Variants in PDE4DIP observed in about 807,000 individuals in gnomAD.
PDE4DIP encodes the protein myomegalin.
In PDE4DIP, 59 loss-of-function variants were observed where a neutral mutation model predicts 221.4. The observed-to-expected ratio is 0.27, with a 90% CI of 0.22 to 0.33. The LOEUF is 0.33. Ranked by LOEUF, PDE4DIP falls within the 10% of genes least tolerant of loss-of-function variation. PDE4DIP has a pLI of 1.00. For synonymous variants in PDE4DIP, 404 were observed against 815.9 expected (o/e 0.50, Z 8.60); for missense variants, 1,036 against 2,154.2 (o/e 0.48, Z 10.28).
intron 5 of PDE4DIP, among the ~76,000 whole-genome samples, chr1:148,954,956 TG>T (rs1553500617): frequency 6.6e-6 from 1 of 152,110 alleles, no homozygotes; most frequent in Non-Finnish European, 1.5e-5. Context: ...GATGGCCACT[TG>T]AAATTTTTGG....
exon 44 of PDE4DIP, chr1:149,032,069 G>A (rs782508958): frequency 1.2e-6 from 2 of 1,609,246 alleles, no homozygotes; most frequent in Non-Finnish European, 1.7e-6. Flanking sequence ...TCCCCCTTTT[G>A]TGCAGCTACC....
intron 9 of PDE4DIP, among the ~76,000 whole-genome samples, chr1:148,964,602 A>C (rs2057788372): frequency 6.9e-6 from 1 of 144,084 alleles, no homozygotes; most frequent in African/African-American, 2.6e-5. Flanking sequence ...TCCTTTTGAA[A>C]TATTAAAATT....
intron 21 of PDE4DIP, chr1:148,990,051 C>T (rs1296694874): frequency 5.3e-6 from 1 of 189,662 alleles, no homozygotes; most frequent in Non-Finnish European, 9.8e-6. Flanking sequence ...GAACAGGACC[C>T]TTCCTTGATC....
At chr1:148,955,928 A>T (rs2055180400) in intron 5 of PDE4DIP, among the ~76,000 whole-genome samples, 1 of 151,800 alleles carries the variant, frequency 6.6e-6, no homozygotes, top group African/African-American at 2.4e-5. Context: ...TTTAATTATT[A>T]TGCCATTTTC....
chr1:149,024,190 A>G, intron 37 of PDE4DIP: 2 of 363,950 alleles, frequency 5.5e-6, no homozygotes, highest in Non-Finnish European at 9.7e-6. Flanking sequence ...ATATGGACTT[A>G]TCTTCATCTG....
intron 41 of PDE4DIP, among the ~76,000 whole-genome samples, chr1:149,029,430 C>T (rs79561400): frequency 3.9e-5 from 6 of 152,316 alleles, no homozygotes; most frequent in East Asian, 1.9e-4. Flanking sequence ...CAGCATAACA[C>T]TTCTGAACTC....
exon 32 of PDE4DIP, chr1:149,012,641 T>C (rs1224260237): frequency 1.2e-6 from 2 of 1,612,500 alleles, no homozygotes; most frequent in Non-Finnish European, 1.7e-6. Flanking sequence ...TCAGGCACCA[T>C]TGCCCTCAGC....
In PDE4DIP at chr1:148,933,717, G is replaced by A. The variant is rs55990332; in HGVS notation, c.518+1429G>A. 4.6e-5 allele frequency among the ~76,000 whole-genome samples: 7 copies of A among 152,192 alleles called. No individual in the cohort carries two copies. In the South Asian group the frequency reaches 8.3e-4, roughly 18 times the overall value. On this transcript the variant is annotated intron_variant, in intron 4 of 43. Coordinates refer to ENST00000369354, the Ensembl canonical transcript of PDE4DIP. The stretch of plus-strand genomic sequence containing the variant: ...AAGACATAAATTTAATCGCACCATG[G>A]CAGAGCCATTTAAGAAGCTTTGCAA...
At chr1:148,830,480 G>A (rs1267553718) in intron 1 of PDE4DIP, among the ~76,000 whole-genome samples, 1 of 92,504 alleles carries the variant, frequency 1.1e-5, no homozygotes, top group African/African-American at 3.8e-5. Context: ...ACAACATGCA[G>A]GTTAGTTACA....
chr1:148,969,998 G>A (rs151304477), intron 14 of PDE4DIP, among the ~76,000 whole-genome samples: 6,897 of 152,230 alleles, frequency 0.045, 390 homozygotes, highest in African/African-American at 0.13. Context: ...GAGCCACCAT[G>A]CCCTGCCCAT....
intron 1 of PDE4DIP, among the ~76,000 whole-genome samples, chr1:148,815,558 A>AAAAAAAAAAAAAAC (rs1667560237): frequency 8.4e-6 from 1 of 118,864 alleles, no homozygotes; most frequent in Non-Finnish European, 1.8e-5. Flanking sequence ...AAAAAAAAAA[A>AAAAAAAAAAAAAAC]AAAAAAAAAG....
chr1:148,948,665 CT>C (rs1399032102), intron 5 of PDE4DIP, among the ~76,000 whole-genome samples: 2 of 141,632 alleles, frequency 1.4e-5, no homozygotes, highest in African/African-American at 5.4e-5. Flanking sequence ...TTATTTACTC[CT>C]TTTAATCTTT....
chr1:148,979,981 A>G (rs1379837233), intron 20 of PDE4DIP, 132 bp downstream of exon 23: 3 of 1,210,566 alleles, frequency 2.5e-6, no homozygotes, highest in Non-Finnish European at 3.4e-6. Flanking sequence ...AAAGAGGGAC[A>G]ATTACCGGGG....
At chr1:148,984,338 T>G (rs1251820741) in intron 21 of PDE4DIP, 1 of 152,102 alleles carries the variant, frequency 6.6e-6, no homozygotes, top group African/African-American at 2.4e-5. Flanking sequence ...AATACATTTT[T>G]CCTTATTTAT....
At chr1:148,959,166 C>A (rs1313447086) in intron 5 of PDE4DIP, among the ~76,000 whole-genome samples, 1 of 151,608 alleles carries the variant, frequency 6.6e-6, no homozygotes. Flanking sequence ...CCAACCCCTG[C>A]AAAATATAAG....
chr1:148,963,748 CTT>C (rs66921099), intron 9 of PDE4DIP, among the ~76,000 whole-genome samples: 26 of 89,156 alleles, frequency 2.9e-4, no homozygotes, highest in African/African-American at 5.2e-4. Flanking sequence ...TTCTTTCCTT[CTT>C]TTTTTTTTTT....
chr1:148,818,375 C>G lies in PDE4DIP; in HGVS notation c.233+9638C>G, dbSNP rs1668300842. ...AACATTATTGAGCTTTATTCTGGGTCACAGTTAGTTGGAAACAGATCCTTC... is the reference window on the plus strand; with the variant it reads ...AACATTATTGAGCTTTATTCTGGGTGACAGTTAGTTGGAAACAGATCCTTC... On this transcript the variant is annotated intron_variant, in intron 1 of 45. Coordinates refer to the PDE4DIP transcript ENST00000524974. Among the ~76,000 whole-genome samples the G allele has an allele frequency of 2.3e-5, 2 of 87,920 alleles. 1 individual carries two copies. The highest frequency in any genetic ancestry group is 4.3e-5 in the Non-Finnish European group (2 of 47,052). The allele number at this position is 87,920 out of a possible 152,430, so 57.7% of individuals were successfully genotyped here. A position where few individuals can be genotyped will look rare whatever the true frequency, so the allele number is the denominator to read the frequency against.
chr1:148,953,679 A>G, intron 5 of PDE4DIP: 1 of 1,419,880 alleles, frequency 7.0e-7, no homozygotes, highest in Non-Finnish European at 9.9e-7. Context: ...GGTCTTGATT[A>G]TAAGCCCATC....
intron 5 of PDE4DIP, among the ~76,000 whole-genome samples, chr1:148,940,473 T>C (rs2050273096): frequency 6.6e-6 from 1 of 151,734 alleles, no homozygotes; most frequent in African/African-American, 2.4e-5. Context: ...TTTCCTACCC[T>C]TTTTCATAGA....
Sources: gnomAD v4.1 joint callset for allele counts (sites outside exome capture counted in the v4.1 genomes callset) on GRCh38, gnomAD v4.1.1 for gene constraint, MANE v1.5 for transcripts, NCBI Gene and HGNC (gene_info 2026-07-23, HGNC 2026-07-21) for gene names.